The following CREB3L2 variants were observed in gnomAD, a reference collection of about 807,000 sequenced individuals.
The protein encoded by CREB3L2 is cyclic AMP-responsive element-binding protein 3-like protein 2.
Under a neutral mutation model 57.2 loss-of-function variants are expected in CREB3L2, and 23 were observed. The ratio of observed to expected loss-of-function variants is 0.40; its 90% CI spans 0.29 to 0.57. The LOEUF (loss-of-function observed/expected upper bound fraction) is 0.57. CREB3L2 is among the 20% of genes least tolerant of loss of function. The probability of loss-of-function intolerance (pLI) is 0.42; values close to 1 mark genes in which losing one functional copy is unlikely to be tolerated. For missense variants in CREB3L2, 628 were observed against 634.7 expected (o/e 0.99, Z 0.11); for synonymous variants, 268 against 265.1 (o/e 1.01, Z -0.11).
At chr7:137,887,430 C>G (rs1301347797) in intron 8 of CREB3L2, among the ~76,000 whole-genome samples, 2 of 152,216 alleles carry the variant, frequency 1.3e-5, no homozygotes, top group Non-Finnish European at 2.9e-5. Context: ...CTTTCTGGGC[C>G]AGGCGCGGTG....
chr7:137,972,706 A>AACAAAACAAAACAAAC, intron 1 of CREB3L2, among the ~76,000 whole-genome samples: 1 of 51,802 alleles, frequency 1.9e-5, no homozygotes, highest in African/African-American at 1.1e-4. Flanking sequence ...AAAAAAAAAA[A>AACAAAACAAAACAAAC]AAAAAAATAT....
At chr7:137,968,009 A>G (rs1364217765) in intron 1 of CREB3L2, among the ~76,000 whole-genome samples, 1 of 152,246 alleles carries the variant, frequency 6.6e-6, no homozygotes, top group African/African-American at 2.4e-5. Context: ...GTTGAAGCAC[A>G]CAAGACTTAG....
intron 1 of CREB3L2, among the ~76,000 whole-genome samples, chr7:137,929,360 A>C (rs1424503718): frequency 2.6e-5 from 4 of 152,090 alleles, no homozygotes; most frequent in African/African-American, 9.7e-5. Context: ...TGGACTGGAT[A>C]ATTCGTTGTG....
At chr7:137,896,429 G>A (rs1032514379) in intron 8 of CREB3L2, among the ~76,000 whole-genome samples, 1 of 152,148 alleles carries the variant, frequency 6.6e-6, no homozygotes, top group Admixed American at 6.5e-5. Flanking sequence ...AGCCTCCTGA[G>A]TAGCTGGGAT....
rs537685955 is a variant in CREB3L2, at chr7:137,980,504, G to A, written c.102+21100C>T. Among the ~76,000 whole-genome samples the A allele has an allele frequency of 6.6e-6, 1 of 152,202 alleles. No individual in the cohort carries two copies. The highest frequency in any genetic ancestry group is 1.5e-5 in the Non-Finnish European group (1 of 68,032). On this transcript the variant is annotated intron_variant, in intron 1 of 11. Transcript: ENST00000330387. The surrounding 1 kb of genome is among the most constrained non-coding windows in gnomAD (Gnocchi z 4.3). ...TCAGTTAAAAAGGTTCCAAACTGGTGGGGGGCAACCCCAGGCCTAGACAAA... is the reference window on the plus strand; with the variant it reads ...TCAGTTAAAAAGGTTCCAAACTGGTAGGGGGCAACCCCAGGCCTAGACAAA...
chr7:137,946,113 C>T (rs1363609728), intron 1 of CREB3L2, among the ~76,000 whole-genome samples: 1 of 152,152 alleles, frequency 6.6e-6, no homozygotes, highest in Non-Finnish European at 1.5e-5. Context: ...GGCTGAAATT[C>T]TAAGATGACT....
chr7:137,966,173 CAT>C (rs1585663750), intron 1 of CREB3L2, among the ~76,000 whole-genome samples: 1 of 152,158 alleles, frequency 6.6e-6, no homozygotes, highest in African/African-American at 2.4e-5. Context: ...GAAGTGCAAA[CAT>C]GTGAAAAGTT....
At position 138,001,795 on chromosome 7, in the gene CREB3L2, C is replaced by A; in HGVS notation, c.-90G>T. 1 of 833,384 alleles carries A rather than the reference C, an allele frequency of 1.2e-6. No homozygotes were observed. The highest frequency in any genetic ancestry group is 1.9e-5 in the South Asian group (1 of 51,864). The allele number at this position is 833,384 out of a possible 1,614,324, so 51.6% of individuals were successfully genotyped here. A position where few individuals can be genotyped will look rare whatever the true frequency, so the allele number is the denominator to read the frequency against. On this transcript the variant is annotated 5_prime_UTR_variant, in exon 1 of 12. Coordinates refer to ENST00000330387, the MANE Select transcript of CREB3L2 (RefSeq NM_194071.4). The surrounding 1 kb of genome is among the most constrained non-coding windows in gnomAD (Gnocchi z 4.2). ...GACCGGCAAGGTTCCTCTCTCTCCG[C>A]GTGTGCTTGCGTGTGTGCGCGCGCG... is the stretch of plus-strand genomic sequence containing the variant.
chr7:137,974,038 C>T (rs1801562770), intron 1 of CREB3L2, among the ~76,000 whole-genome samples: 1 of 138,548 alleles, frequency 7.2e-6, no homozygotes, highest in South Asian at 2.3e-4. Context: ...TAAAATAATG[C>T]CAAGCATCTG....
chr7:137,989,432 G>GTTTTTTTTTTTTTTT (rs33944427), intron 1 of CREB3L2, among the ~76,000 whole-genome samples: 5 of 106,020 alleles, frequency 4.7e-5, no homozygotes, highest in Admixed American at 1.1e-4. Context: ...CTTTTCTCCA[G>GTTTTTTTTTTTTTTT]TTTTTTTTTT....
chr7:137,907,344 A>C (rs1200003564), intron 5 of CREB3L2, among the ~76,000 whole-genome samples: 1 of 152,226 alleles, frequency 6.6e-6, no homozygotes, highest in Non-Finnish European at 1.5e-5. Flanking sequence ...GACAGATCAT[A>C]GTAGTACACA....
At position 137,892,862 on chromosome 7, in the gene CREB3L2, G is replaced by A. The variant is rs530632243; in HGVS notation, c.1044-7360C>T. ...CTGGGATGGAGGGCAGGGAGGTGGC[G>A]GGATACAATGTTAATAATTATAAGT... On this transcript the variant is annotated intron_variant, in intron 8 of 11. Coordinates refer to ENST00000330387, the MANE Select transcript of CREB3L2 (RefSeq NM_194071.4). Among the ~76,000 whole-genome samples, 63 of 151,880 alleles carry A rather than the reference G, an allele frequency of 4.1e-4. 1 individual carries two copies. The highest frequency in any genetic ancestry group is 4.1e-4 in the African/African-American group (17 of 41,394).
intron 1 of CREB3L2, chr7:137,956,611 C>G: frequency 7.8e-7 from 1 of 1,289,110 alleles, no homozygotes; most frequent in Non-Finnish European, 1.0e-6. Flanking sequence ...CACGGACAGC[C>G]ATGCCGAATA....
chr7:137,976,463 T>C (rs1801610011), intron 1 of CREB3L2, among the ~76,000 whole-genome samples: 1 of 152,252 alleles, frequency 6.6e-6, no homozygotes, highest in Non-Finnish European at 1.5e-5. Flanking sequence ...TGTTTGTTTT[T>C]TTCCCAGCAT....
At chr7:137,917,457 C>T (rs1358445637) in intron 2 of CREB3L2, among the ~76,000 whole-genome samples, 14 of 152,304 alleles carry the variant, frequency 9.2e-5, no homozygotes, top group African/African-American at 1.7e-4. Flanking sequence ...AAGACACGCT[C>T]CTTTGCTTTC....
At chr7:137,962,292 G>C (rs1488346778) in intron 1 of CREB3L2, among the ~76,000 whole-genome samples, 2 of 152,128 alleles carry the variant, frequency 1.3e-5, no homozygotes, top group Non-Finnish European at 2.9e-5. Flanking sequence ...CTTTGGAACT[G>C]TTCCCTTAAA....
rs1802069007 is a variant in CREB3L2, at chr7:138,001,246, A to C, written c.102+358T>G. ...TTGTCCAGTTTTTGAAAACCTCAAA[A>C]AAAAATCAATAGCAAACTAGGCGGA... is the stretch of plus-strand genomic sequence containing the variant. On this transcript the variant is annotated intron_variant, in intron 1 of 11. Coordinates refer to ENST00000330387, the MANE Select transcript of CREB3L2 (RefSeq NM_194071.4). The surrounding 1 kb of genome is among the most constrained non-coding windows in gnomAD (Gnocchi z 4.2). 6.6e-6 allele frequency among the ~76,000 whole-genome samples: 1 copy of C among 152,160 alleles called. No homozygotes were observed. Among genetic ancestry groups the C allele is most frequent in the Non-Finnish European group, 1.5e-5 (1 of 68,024 alleles).
chr7:137,970,411 G>T (rs1801486756), intron 1 of CREB3L2, among the ~76,000 whole-genome samples: 1 of 152,210 alleles, frequency 6.6e-6, no homozygotes, highest in South Asian at 2.1e-4. Flanking sequence ...ACAGATATTG[G>T]AATCAATCCA....
chr7:137,926,100 C>T (rs273947), intron 2 of CREB3L2, among the ~76,000 whole-genome samples: 68,223 of 152,060 alleles, frequency 0.45, 18,656 homozygotes, highest in East Asian at 0.79. Flanking sequence ...GGCGAGGATG[C>T]GGAGAAACAG....
Sources: gnomAD v4.1 joint callset for allele counts (sites outside exome capture counted in the v4.1 genomes callset) on GRCh38, gnomAD v4.1.1 for gene constraint, Gnocchi (gnomAD v3.1) non-coding constraint, MANE v1.5 for transcripts, NCBI Gene and HGNC (gene_info 2026-07-23, HGNC 2026-07-21) for gene names.